COL5A2: variants seen among roughly 807,000 people sequenced by gnomAD.
COL5A2 encodes collagen alpha-2(V) chain.
COL5A2 carries 23 observed loss-of-function variants against 208.2 expected under a neutral mutation model. That is an observed-to-expected ratio of 0.11 (90% CI 0.08 to 0.16). The LOEUF (loss-of-function observed/expected upper bound fraction) is 0.16. COL5A2 is among the 10% of genes least tolerant of loss of function. The probability of loss-of-function intolerance (pLI) is 1.00; values close to 1 mark genes in which losing one functional copy is unlikely to be tolerated. For missense variants in COL5A2, 1,590 were observed against 1,956.4 expected, an observed-to-expected ratio of 0.81 and a Z score of 3.53; for synonymous variants, 625 against 628.5, an observed-to-expected ratio of 0.99 and a Z score of 0.08.
chr2:189,237,944 G>A, the COL5A2 span, among the ~76,000 whole-genome samples: 5 of 151,704 alleles, frequency 3.3e-5, no homozygotes, highest in Non-Finnish European at 5.9e-5. Context: ...AGCTTTTATC[G>A]GATGGGAAAA....
intron 1 of COL5A2, among the ~76,000 whole-genome samples, chr2:189,116,947 T>C (rs1242358161): frequency 6.6e-6 from 1 of 152,214 alleles, no homozygotes; most frequent in Non-Finnish European, 1.5e-5. Context: ...AGCATATGAA[T>C]TTAAAAAATT....
At chr2:189,355,175 T>C in the COL5A2 span, among the ~76,000 whole-genome samples, 2 of 152,210 alleles carry the variant, frequency 1.3e-5, no homozygotes, top group South Asian at 4.1e-4. Context: ...TCTTTTGCGT[T>C]TGCTGAGGAG....
chr2:189,277,472 C>T, the COL5A2 span, among the ~76,000 whole-genome samples: 1 of 152,046 alleles, frequency 6.6e-6, no homozygotes, highest in Non-Finnish European at 1.5e-5. Context: ...ATTGTTGCCG[C>T]TCTCTATACC....
the COL5A2 span, among the ~76,000 whole-genome samples, chr2:189,394,811 A>G: frequency 6.6e-6 from 1 of 152,248 alleles, no homozygotes; most frequent in African/African-American, 2.4e-5. Flanking sequence ...TTGCTGAAAG[A>G]TAATTCTATC....
At chr2:189,197,685 AG>A (rs988451474) in intron 1 of COL5A2, among the ~76,000 whole-genome samples, 64 of 152,224 alleles carry the variant, frequency 4.2e-4, no homozygotes, top group African/African-American at 1.5e-3. Context: ...CAAAAAAAAA[AG>A]TAGCCAACTG....
chr2:189,440,783 G>A, the COL5A2 span, among the ~76,000 whole-genome samples: 1 of 152,164 alleles, frequency 6.6e-6, no homozygotes, highest in Non-Finnish European at 1.5e-5. Context: ...TAAAACTCAG[G>A]AAACCAGAGA....
chr2:189,197,936 G>A (rs567590496), intron 1 of COL5A2, among the ~76,000 whole-genome samples: 8 of 150,654 alleles, frequency 5.3e-5, no homozygotes, highest in South Asian at 2.1e-4. Flanking sequence ...TGCAAGCTCC[G>A]CCTCCCAGGT....
At chr2:189,160,688 A>G (rs1688343139) in intron 1 of COL5A2, among the ~76,000 whole-genome samples, 1 of 152,140 alleles carries the variant, frequency 6.6e-6, no homozygotes, top group South Asian at 2.1e-4. Context: ...AAAAAATCAA[A>G]ACTCTAATAA....
At chr2:189,048,132 G>T in intron 45 of COL5A2, 77 bp downstream of exon 45, 3 of 1,347,870 alleles carry the variant, frequency 2.2e-6, no homozygotes, top group East Asian at 2.3e-5. Flanking sequence ...CAGGAAAAAT[G>T]ACAGTTTTTA....
At chr2:189,235,943 T>C in the COL5A2 span, among the ~76,000 whole-genome samples, 7 of 151,416 alleles carry the variant, frequency 4.6e-5, no homozygotes, top group South Asian at 1.5e-3. Flanking sequence ...GCTTTCCTTC[T>C]GGGAGTCTGG....
chr2:189,269,922 G>A, the COL5A2 span, among the ~76,000 whole-genome samples: 1 of 152,184 alleles, frequency 6.6e-6, no homozygotes, highest in South Asian at 2.1e-4. Flanking sequence ...ACTTGTTATT[G>A]GTCTATTCAG....
chr2:189,218,477 C>T (rs1689306489), intron 1 of COL5A2, among the ~76,000 whole-genome samples: 1 of 152,128 alleles, frequency 6.6e-6, no homozygotes, highest in African/African-American at 2.4e-5. Flanking sequence ...TCCCCCAGAG[C>T]CTGCAGATGG....
upstream of COL5A2, among the ~76,000 whole-genome samples, chr2:189,227,194 G>T (rs958255869): frequency 6.6e-6 from 1 of 151,896 alleles, no homozygotes; most frequent in African/African-American, 2.4e-5. Context: ...CAACACAAAT[G>T]GGGGGAAAAA....
At chr2:189,398,442 T>C in the COL5A2 span, among the ~76,000 whole-genome samples, 2 of 152,168 alleles carry the variant, frequency 1.3e-5, no homozygotes, top group Non-Finnish European at 2.9e-5. Context: ...TCTGAAGCTA[T>C]TCCATTTGAT....
At chr2:189,168,237 GTTT>G (rs34356887) in intron 1 of COL5A2, among the ~76,000 whole-genome samples, 93 of 139,650 alleles carry the variant, frequency 6.7e-4, no homozygotes, top group African/African-American at 2.3e-3. Context: ...CTGTGCCCGG[GTTT>G]TTTTTTTTTT....
At chr2:189,185,405 G>C (rs1422348113) in intron 1 of COL5A2, among the ~76,000 whole-genome samples, 1 of 152,186 alleles carries the variant, frequency 6.6e-6, no homozygotes, top group Non-Finnish European at 1.5e-5. Flanking sequence ...AGGGACACCA[G>C]TTAGAAGTAC....
At chr2:189,142,742 C>A (rs1449668432) in intron 1 of COL5A2, among the ~76,000 whole-genome samples, 2 of 152,042 alleles carry the variant, frequency 1.3e-5, no homozygotes, top group Non-Finnish European at 2.9e-5. Context: ...TCTTAAATGG[C>A]CCTTCAATTG....
chr2:189,098,401 G>A (rs1686966286), intron 5 of COL5A2, among the ~76,000 whole-genome samples: 1 of 152,176 alleles, frequency 6.6e-6, no homozygotes. Context: ...ATTAATCATA[G>A]TCAAACAACA....
Position 189,088,782 on chromosome 2 carries a change from C to T in COL5A2, c.568-10G>A, listed in dbSNP as rs58106884. ...TTTGAGCTGAAAACGGCTGTAAAAG[C>T]GATATGTTGACATTATTTCTACAGT... On this transcript the variant is annotated splice_polypyrimidine_tract_variant and intron_variant, in intron 7 of 53. Coordinates refer to ENST00000374866, the MANE Select transcript of COL5A2 (RefSeq NM_000393.5). 0.14 allele frequency: 228,956 copies of T among 1,608,852 alleles called. 17,238 individuals are homozygous for T. The highest frequency in any genetic ancestry group is 0.24 in the Middle Eastern group (1,456 of 6,038).
Sources: allele counts gnomAD v4.1 joint callset (sites outside exome capture counted in the v4.1 genomes callset), GRCh38; gene constraint gnomAD v4.1.1; transcripts MANE v1.5; gene names NCBI Gene and HGNC (gene_info 2026-07-23, HGNC 2026-07-21).